Variants in KLRG2 observed in about 807,000 individuals in gnomAD.
KLRG2 encodes the protein killer cell lectin-like receptor subfamily G member 2.
A neutral mutation model predicts 35.4 loss-of-function variants in KLRG2; 39 were observed. The observed-to-expected ratio is 1.10, with a 90% confidence interval of 0.85 to 1.44. KLRG2 has a LOEUF of 1.44. Ranked by LOEUF, KLRG2 falls within the 40% of genes most tolerant of loss-of-function variation. KLRG2 has a pLI of 0.00. For synonymous variants in KLRG2, 283 were observed against 265.8 expected, an observed-to-expected ratio of 1.06 and a Z score of -0.63; for missense variants, 632 against 570.9, an observed-to-expected ratio of 1.11 and a Z score of -1.09.
the KLRG2 span, among the ~76,000 whole-genome samples, chr7:139,432,119 G>T: frequency 1.2e-4 from 18 of 152,106 alleles, no homozygotes; most frequent in East Asian, 2.1e-3. Context: ...ACTTTGAGAG[G>T]CTAAGGCAGG....
chr7:139,456,792 T>C (rs1181851050), intron 3 of KLRG2, among the ~76,000 whole-genome samples: 1 of 152,168 alleles, frequency 6.6e-6, no homozygotes, highest in Non-Finnish European at 1.5e-5. Flanking sequence ...TGTGCTGCCT[T>C]CTAATGGCTT....
At chr7:139,440,272 G>A in the KLRG2 span, among the ~76,000 whole-genome samples, 38 of 145,726 alleles carry the variant, frequency 2.6e-4, no homozygotes, top group African/African-American at 9.6e-4. Context: ...ACCACACCTG[G>A]CTATTTTTTT....
chr7:139,447,610 C>T, the KLRG2 span, among the ~76,000 whole-genome samples: 187 of 152,120 alleles, frequency 1.2e-3, 1 homozygote, highest in Middle Eastern at 3.4e-3. Flanking sequence ...ACCATGTTGG[C>T]CAGGCTGGTC....
chr7:139,463,196 C>T (rs116874791), intron 3 of KLRG2, among the ~76,000 whole-genome samples: 1,854 of 152,270 alleles, frequency 0.012, 14 homozygotes, highest in Middle Eastern at 0.02. Context: ...GTTCTTGGCT[C>T]GTTTGGCAGC....
At chr7:139,433,786 C>T in the KLRG2 span, among the ~76,000 whole-genome samples, 1 of 151,946 alleles carries the variant, frequency 6.6e-6, no homozygotes, top group Admixed American at 6.6e-5. Context: ...CAGGTGCCTG[C>T]AACTACACCA....
At chr7:139,449,900 ATC>A (rs1161125305), downstream of KLRG2, among the ~76,000 whole-genome samples, 3 of 150,644 alleles carry the variant, frequency 2.0e-5, no homozygotes, top group East Asian at 3.9e-4. Flanking sequence ...ACAGGGTTTC[ATC>A]CTGTTAGCCA....
chr7:139,439,115 C>A, the KLRG2 span, among the ~76,000 whole-genome samples: 1 of 152,168 alleles, frequency 6.6e-6, no homozygotes, highest in Non-Finnish European at 1.5e-5. Flanking sequence ...TTCATAACAG[C>A]TTAATTCATA....
rs966811238 is a variant in KLRG2, at chr7:139,458,379, C to CA, written c.1006-4166dup. On this transcript the variant is annotated intron_variant, in intron 3 of 4. Transcript: ENST00000340940. ...GGTGAGAGAGCAAGAGATCCTGTCT[C>CA]AAAAAAAAAAAGAAAGAAAGAAAGA... 9.9e-3 allele frequency among the ~76,000 whole-genome samples: 1,337 copies of CA among 135,120 alleles called. 5 individuals carry two copies. The highest frequency in any genetic ancestry group is 0.013 in the African/African-American group (489 of 36,512). The allele number at this position is 135,120 out of a possible 152,430, so 88.6% of individuals were successfully genotyped here.
chr7:139,432,552 C>CG, the KLRG2 span, among the ~76,000 whole-genome samples: 1 of 149,886 alleles, frequency 6.7e-6, no homozygotes, highest in South Asian at 2.1e-4. Context: ...GGACCCCCCC[C>CG]CCCCAATATT....
chr7:139,440,702 G>A, the KLRG2 span, among the ~76,000 whole-genome samples: 7 of 151,848 alleles, frequency 4.6e-5, no homozygotes, highest in African/African-American at 1.5e-4. Flanking sequence ...CTTCCCCTTC[G>A]GCCTCCCTAG....
At chr7:139,479,236 C>T (rs1388805690) in intron 3 of KLRG2, among the ~76,000 whole-genome samples, 1 of 152,116 alleles carries the variant, frequency 6.6e-6, no homozygotes, top group African/African-American at 2.4e-5. Context: ...GCGCCCGCCA[C>T]CATGTCCGGC....
chr7:139,431,881 T>A, the KLRG2 span, among the ~76,000 whole-genome samples: 1 of 152,228 alleles, frequency 6.6e-6, no homozygotes, highest in East Asian at 1.9e-4. Context: ...AAGCTATTTT[T>A]AAAAAGCAGT....
rs191793230 is a variant in KLRG2 at position 139,465,415 on chromosome 7, G to A, written c.1006-11201C>T. On this transcript the variant is annotated intron_variant, in intron 3 of 4. Coordinates refer to ENST00000340940, the MANE Select transcript of KLRG2 (RefSeq NM_198508.4). Reference sequence around the variant, plus strand: ...ACTTCCAAAGGAGGCTAGAGTCACCGGGCGCGGTGGCTCACGCCTGTAATT... The same window carrying A: ...ACTTCCAAAGGAGGCTAGAGTCACCAGGCGCGGTGGCTCACGCCTGTAATT... Among the ~76,000 whole-genome samples, 426 of 152,242 alleles carry A rather than the reference G, an allele frequency of 2.8e-3. 1 individual carries two copies. Among genetic ancestry groups the A allele is most frequent in the African/African-American group, 9.3e-3 (386 of 41,570 alleles).
the KLRG2 span, among the ~76,000 whole-genome samples, chr7:139,445,812 G>GTATATATATATATATGTAT: frequency 1.1e-5 from 1 of 90,158 alleles, no homozygotes; most frequent in African/African-American, 1.2e-4. Context: ...TATATATGAC[G>GTATATATATATATATGTAT]GAGTTTTGCT....
At chr7:139,482,133 A>C (rs1482190809) in intron 1 of KLRG2, among the ~76,000 whole-genome samples, 1 of 152,104 alleles carries the variant, frequency 6.6e-6, no homozygotes, top group East Asian at 1.9e-4. Context: ...GGTCCCACTC[A>C]CTATCTACTG....
downstream of KLRG2, among the ~76,000 whole-genome samples, chr7:139,450,217 TTTTTTTTTTG>T (rs1359499838): frequency 6.7e-6 from 1 of 148,530 alleles, no homozygotes; most frequent in African/African-American, 2.5e-5. Flanking sequence ...TAATGTTTGT[TTTTTTTTTTG>T]TTTTGTTTTG....
chr7:139,451,237 C>T (rs185915956), downstream of KLRG2, among the ~76,000 whole-genome samples: 10 of 152,306 alleles, frequency 6.6e-5, no homozygotes, highest in South Asian at 6.2e-4. Context: ...CCGTGGCTCA[C>T]GCCTGTAACC....
intron 1 of KLRG2, 134 bp from the exon 2 acceptor site, chr7:139,480,381 A>C: frequency 1.8e-6 from 1 of 570,890 alleles, no homozygotes; most frequent in South Asian, 2.1e-5. Context: ...TGGGATGCCA[A>C]CATAAACCAC....
the KLRG2 span, among the ~76,000 whole-genome samples, chr7:139,445,809 G>GTATATATATATATATGTATGTGT: frequency 1.1e-5 from 1 of 89,612 alleles, no homozygotes; most frequent in African/African-American, 1.1e-4. Context: ...ATATATATAT[G>GTATATATATATATATGTATGTGT]ACGGAGTTTT....
Sources: gnomAD v4.1 joint callset for allele counts (sites outside exome capture counted in the v4.1 genomes callset) on GRCh38, gnomAD v4.1.1 for gene constraint, MANE v1.5 for transcripts, NCBI Gene and HGNC (gene_info 2026-07-23, HGNC 2026-07-21) for gene names.